TRMT6: variants seen among roughly 807,000 people sequenced by gnomAD.
TRMT6 encodes the protein tRNA (adenine(58)-N(1))-methyltransferase non-catalytic subunit TRM6.
Under a neutral mutation model 59.0 loss-of-function variants are expected in TRMT6, and 34 were observed. The ratio of observed to expected loss-of-function variants is 0.58; its 90% confidence interval spans 0.44 to 0.77. The LOEUF (loss-of-function observed/expected upper bound fraction) is 0.77, where lower values mean the gene tolerates loss of function less well. Among genes scored for constraint, TRMT6 ranks in the 30% least tolerant of loss-of-function variants. TRMT6 has a pLI of 0.00. For synonymous variants in TRMT6, 217 were observed against 210.5 expected (o/e 1.03, Z -0.27); for missense variants, 575 against 604.5 (o/e 0.95, Z 0.51).
intron 1 of TRMT6, among the ~76,000 whole-genome samples, chr20:5,948,115 G>A (rs1410036752): frequency 6.6e-6 from 1 of 152,096 alleles, no homozygotes; most frequent in Non-Finnish European, 1.5e-5. Flanking sequence ...GTGAGATCCC[G>A]TCTCACAAAA....
chr20:5,946,543 A>G lies in TRMT6; in HGVS notation c.129-10T>C, dbSNP rs757408734. 58 of 1,613,054 alleles carry G rather than the reference A, an allele frequency of 3.6e-5. No homozygotes were observed. In the Admixed American group the frequency reaches 9.7e-4, roughly 27 times the overall value. ...TTCGAAAGTTACTTTTCTAGGGAAA[A>G]AAAGTAATCAATTAACTGAATATCT... On this transcript the variant is annotated splice_polypyrimidine_tract_variant and intron_variant, in intron 1 of 10. Coordinates refer to ENST00000203001, the MANE Select transcript of TRMT6 (RefSeq NM_015939.5).
Position 5,941,037 on chromosome 20 carries a change from C to T in TRMT6, c.1302+16G>A, listed in dbSNP as rs766518341. On this transcript the variant is annotated intron_variant, in intron 10 of 10. Transcript: ENST00000203001. Reference sequence around the variant, plus strand: ...TCGGGAGGGCAGCTCTTGGGACTGGCTGTAAGAACACGTACCTGATAATTT... The same window carrying T: ...TCGGGAGGGCAGCTCTTGGGACTGGTTGTAAGAACACGTACCTGATAATTT... The T allele has an allele frequency of 1.9e-5, 31 of 1,606,552 alleles. No homozygotes were observed. Among genetic ancestry groups the T allele is most frequent in the Non-Finnish European group, 2.6e-5 (30 of 1,173,310 alleles).
rs2088616468 is a variant in TRMT6 at position 5,937,312 on chromosome 20, C to CTAT, written c.*1220_*1222dup. The CTAT allele has an allele frequency of 6.6e-6, 1 of 152,150 alleles. No individual in the cohort carries two copies. Among genetic ancestry groups the CTAT allele is most frequent in the South Asian group, 2.1e-4 (1 of 4,828 alleles). 9.4% of individuals were successfully genotyped at this position (152,150 alleles called of 1,614,324 possible). A position where few individuals can be genotyped will look rare whatever the true frequency, so the allele number is the denominator to read the frequency against. ...AGTAATCACATTGGCATAGCACATG[C>CTAT]TATTTGGAAAAAAAATTTTTTTTCT... On this transcript the variant is annotated 3_prime_UTR_variant, in exon 11 of 11. Coordinates refer to ENST00000203001, the MANE Select transcript of TRMT6 (RefSeq NM_015939.5).
rs905375863 is a variant in TRMT6 at position 5,939,491 on chromosome 20, A to G, written c.1303-765T>C. ...CGAGACTCTGTCTCAAAAATGAAAA[A>G]AAAAAAAAAAAGAGAAGAAAAAGAA... On this transcript the variant is annotated intron_variant, in intron 10 of 10. Transcript: ENST00000203001. Among the ~76,000 whole-genome samples, 3 of 149,942 alleles carry G rather than the reference A, an allele frequency of 2.0e-5. 1 individual carries two copies. The highest frequency in any genetic ancestry group is 7.6e-5 in the African/African-American group (3 of 39,542).
At chr20:5,944,113 C>A in intron 4 of TRMT6, 49 bp downstream of exon 4, 1 of 1,353,138 alleles carries the variant, frequency 7.4e-7, no homozygotes, top group South Asian at 1.5e-5. Context: ...ATTTTATAAA[C>A]ATATAAGAAG....
chr20:5,939,518 T>C (rs1176576727), intron 10 of TRMT6, among the ~76,000 whole-genome samples: 2 of 150,728 alleles, frequency 1.3e-5, no homozygotes, highest in South Asian at 2.1e-4. Flanking sequence ...GAAAAAGAAC[T>C]GAAGCAGTTT....
Position 5,942,574 on chromosome 20 carries a change from C to A in TRMT6, c.880G>T (p.Glu294Ter). The A allele has an allele frequency of 6.2e-7, 1 of 1,614,112 alleles. No homozygotes were observed. Residue 294 changes from glutamate (E) to a stop codon, truncating the protein, a stop_gained, in exon 7 of 11, where the codon GAA becomes TAA. Transcript: ENST00000203001. LOFTEE classifies it high-confidence loss of function. ...TTCTCTTGTTCAGAAGCCTGTTTTT[C>A]CTCCAGTGTGCCATTACTTTCTTCA... Reference protein sequence around the residue: ...LVEESNGTLEEKQASEQENED... With the variant: ...LVEESNGTLE
chr20:5,942,699 C>T lies in TRMT6; in HGVS notation c.755G>A (p.Ser252Asn). The T allele has an allele frequency of 6.2e-7, 1 of 1,614,156 alleles. No homozygotes were observed. The highest frequency in any genetic ancestry group is 1.6e-4 in the Middle Eastern group (1 of 6,062). The change falls in exon 7 of 11, where the codon AGT (serine) becomes AAT (asparagine). Residue 252 changes from serine to asparagine, a missense_variant. Ser to Asn is a conservative substitution (Grantham distance 46). Transcript: ENST00000203001. ...ACFGFPKSFL[S>N]GLYEFPLNKV... Reference sequence around the variant, plus strand: ...GTTGAGAGGGAATTCATAAAGACCACTGAGAAAAGATTTGGGAAATCCAAA... The same window carrying T: ...GTTGAGAGGGAATTCATAAAGACCATTGAGAAAAGATTTGGGAAATCCAAA...
intron 5 of TRMT6, 24 bp downstream of exon 5, chr20:5,943,924 C>G (rs1297302600): frequency 6.3e-7 from 1 of 1,591,734 alleles, no homozygotes; most frequent in Non-Finnish European, 8.5e-7. Context: ...CCCAATTATA[C>G]TTTTGAAAGG....
chr20:5,948,823 A>G (rs888722423), intron 1 of TRMT6, among the ~76,000 whole-genome samples: 7 of 152,340 alleles, frequency 4.6e-5, no homozygotes, highest in African/African-American at 1.7e-4. Flanking sequence ...TGCTTGTGCA[A>G]AAAGCTTGGT....
At position 5,937,677 on chromosome 20, in the gene TRMT6, T is replaced by TATTCATACAG. The variant is rs779257851; in HGVS notation, c.*857_*858insCTGTATGAAT. 4 of 152,258 alleles carry TATTCATACAG rather than the reference T, an allele frequency of 2.6e-5. No individual in the cohort carries two copies. The highest frequency in any genetic ancestry group is 5.9e-5 in the Non-Finnish European group (4 of 68,044). The allele number at this position is 152,258 out of a possible 1,614,324, so 9.4% of individuals were successfully genotyped here. On this transcript the variant is annotated 3_prime_UTR_variant, in exon 11 of 11. Transcript: ENST00000203001. Reference sequence around the variant, plus strand: ...AGACTGCACACTCTTTCTGTCCCCATGTGTACATACATATTCATACAGGTG... The same window carrying TATTCATACAG: ...AGACTGCACACTCTTTCTGTCCCCATATTCATACAGGTGTACATACATATTCATACAGGTG...
rs749001273 is a variant in TRMT6, at chr20:5,941,281, G to C, written c.1177C>G (p.Pro393Ala). 6.2e-7 allele frequency: 1 copy of C among 1,614,156 alleles called. No individual in the cohort carries two copies. Among genetic ancestry groups the C allele is most frequent in the South Asian group, 1.1e-5 (1 of 91,082 alleles). ...LLLSLLDFVA[P>A]SRPFVVYCQY... ...CAGTAGACCACAAACGGCCTTGAAG[G>C]GGCCACAAAGTCCAGCAAAGACAGC... The change falls in exon 9 of 11, where the codon CCT becomes GCT. Residue 393 changes from proline to alanine, a missense_variant. Coordinates refer to ENST00000203001, the MANE Select transcript of TRMT6 (RefSeq NM_015939.5).
intron 2 of TRMT6, among the ~76,000 whole-genome samples, chr20:5,945,817 GTTGT>G (rs1180756244): frequency 6.6e-6 from 1 of 152,062 alleles, no homozygotes; most frequent in African/African-American, 2.4e-5. Context: ...TGGACAAGAG[GTTGT>G]TAAGAAATAA....
intron 2 of TRMT6, among the ~76,000 whole-genome samples, chr20:5,945,951 A>G (rs1279440988): frequency 6.6e-6 from 1 of 152,172 alleles, no homozygotes; most frequent in East Asian, 1.9e-4. Context: ...TTATGACCCT[A>G]TTTTACATAT....
rs1171023453 is a variant in TRMT6, at chr20:5,937,492, T to TA, written c.*1042dup. The TA allele has an allele frequency of 2.0e-5, 3 of 152,164 alleles. No individual in the cohort carries two copies. Among genetic ancestry groups the TA allele is most frequent in the African/African-American group, 7.2e-5 (3 of 41,446 alleles). The allele number at this position is 152,164 out of a possible 1,614,324, so 9.4% of individuals were successfully genotyped here. On this transcript the variant is annotated 3_prime_UTR_variant, in exon 11 of 11. Transcript: ENST00000203001. The stretch of plus-strand genomic sequence containing the variant: ...TTGCTACAGCACATGATCAAATGAT[T>TA]AGAGTTTTTCAGAGCTTAGAAAGGG...
chr20:5,939,743 A>T (rs2088640156), intron 10 of TRMT6, among the ~76,000 whole-genome samples: 2 of 152,142 alleles, frequency 1.3e-5, no homozygotes, highest in South Asian at 4.1e-4. Flanking sequence ...TAACTCTGCC[A>T]AGGCAACTTC....
chr20:5,940,249 A>C (rs1331005292), intron 10 of TRMT6, among the ~76,000 whole-genome samples: 1 of 152,300 alleles, frequency 6.6e-6, no homozygotes, highest in South Asian at 2.1e-4. Flanking sequence ...CATTTCCCTC[A>C]ATAAATCTCT....
At chr20:5,943,889 A>C in intron 5 of TRMT6, 59 bp downstream of exon 5, 1 of 1,574,130 alleles carries the variant, frequency 6.4e-7, no homozygotes, top group Non-Finnish European at 8.6e-7. Context: ...ACTTAAAATC[A>C]TGACTTTCTT....
intron 1 of TRMT6, among the ~76,000 whole-genome samples, chr20:5,947,058 T>A (rs937252297): frequency 6.6e-6 from 1 of 152,196 alleles, no homozygotes; most frequent in Non-Finnish European, 1.5e-5. Context: ...AGGCAGTGTG[T>A]GCGAGGTGTG....
Sources: allele counts gnomAD v4.1 joint callset (sites outside exome capture counted in the v4.1 genomes callset), GRCh38; gene constraint gnomAD v4.1.1; transcripts MANE v1.5; gene names NCBI Gene and HGNC (gene_info 2026-07-23, HGNC 2026-07-21).